SP4: variants seen among roughly 807,000 people sequenced by gnomAD.
The protein encoded by SP4 is transcription factor Sp4.
Under a neutral mutation model 72.8 loss-of-function variants are expected in SP4, and 19 were observed. The ratio of observed to expected loss-of-function variants is 0.26; its 90% CI spans 0.18 to 0.38. The LOEUF is 0.38. SP4 is among the 10% of genes least tolerant of loss of function. The pLI is 1.00. For synonymous variants in SP4, 395 were observed against 333.1 expected, an observed-to-expected ratio of 1.19 and a Z score of -2.02; for missense variants, 1,008 against 926.3, an observed-to-expected ratio of 1.09 and a Z score of -1.14.
intron 5 of SP4, among the ~76,000 whole-genome samples, chr7:21,489,844 C>A (rs1583438276): frequency 6.6e-6 from 1 of 152,024 alleles, no homozygotes. Context: ...AGGCGTGAGC[C>A]ACTGTGCCCA....
chr7:21,467,237 T>C lies in SP4; in HGVS notation c.1679-9842T>C, dbSNP rs188398546. On this transcript the variant is annotated intron_variant, in intron 3 of 5. Transcript: ENST00000222584. ...ATGTCTCCAGACATTGCTGAGTATC[T>C]CCTGGAAGGCAAAATTACCTTCATT... 2.1e-3 allele frequency among the ~76,000 whole-genome samples: 317 copies of C among 152,194 alleles called. 2 individuals are homozygous for C. The highest frequency in any genetic ancestry group is 2.4e-3 in the Non-Finnish European group (163 of 67,986).
chr7:21,489,282 T>A (rs547774505), intron 5 of SP4, among the ~76,000 whole-genome samples: 120 of 152,292 alleles, frequency 7.9e-4, no homozygotes, highest in African/African-American at 2.8e-3. Context: ...TCAAAACAGA[T>A]GAAACAGAAA....
intron 5 of SP4, among the ~76,000 whole-genome samples, chr7:21,503,465 C>T (rs572362559): frequency 1.3e-5 from 2 of 152,302 alleles, no homozygotes; most frequent in Non-Finnish European, 2.9e-5. Context: ...ATTCTTTCTA[C>T]TTTCCAGAGG....
intron 5 of SP4, among the ~76,000 whole-genome samples, chr7:21,507,977 A>G (rs750911005): frequency 1.3e-4 from 20 of 152,062 alleles, no homozygotes; most frequent in Non-Finnish European, 2.6e-4. Flanking sequence ...AAAATGCCCA[A>G]CCACCAAGAC....
chr7:21,496,090 G>T (rs1781697188), intron 5 of SP4, among the ~76,000 whole-genome samples: 1 of 152,164 alleles, frequency 6.6e-6, no homozygotes, highest in African/African-American at 2.4e-5. Context: ...TAGGGCATAA[G>T]CAAGGAGGAG....
At chr7:21,428,582 CGGGGGGA>C in intron 1 of SP4, 88 bp from the exon 2 acceptor site, 4 of 1,255,176 alleles carry the variant, frequency 3.2e-6, no homozygotes, top group Non-Finnish European at 4.4e-6. Context: ...GATTAATGTT[CGGGGGGA>C]GGGGGGAGAA....
chr7:21,453,809 G>T (rs1783672922), intron 3 of SP4, among the ~76,000 whole-genome samples: 1 of 152,134 alleles, frequency 6.6e-6, no homozygotes, highest in Non-Finnish European at 1.5e-5. Context: ...AGTCTGAATA[G>T]TACCCCTTTA....
intron 4 of SP4, among the ~76,000 whole-genome samples, chr7:21,478,094 C>G (rs1238334444): frequency 6.6e-6 from 1 of 152,112 alleles, no homozygotes; most frequent in Non-Finnish European, 1.5e-5. Flanking sequence ...ATAGATTTGC[C>G]TTTTCTGGAC....
intron 3 of SP4, among the ~76,000 whole-genome samples, chr7:21,431,854 C>T (rs576879728): frequency 4.6e-5 from 7 of 152,314 alleles, no homozygotes; most frequent in Admixed American, 4.6e-4. Flanking sequence ...AAGTTTATCA[C>T]TTTTGAATGA....
chr7:21,463,092 G>A (rs1314983330), intron 3 of SP4, among the ~76,000 whole-genome samples: 1 of 116,102 alleles, frequency 8.6e-6, no homozygotes, highest in African/African-American at 3.3e-5. Flanking sequence ...TTTTTTTTTT[G>A]AGACAGGGTC....
chr7:21,492,958 G>C (rs1404403983), intron 5 of SP4, among the ~76,000 whole-genome samples: 1 of 152,176 alleles, frequency 6.6e-6, no homozygotes, highest in Non-Finnish European at 1.5e-5. Context: ...CCAGCACTTT[G>C]GGAGGCCAAG....
chr7:21,496,131 A>C (rs1781697801), intron 5 of SP4, among the ~76,000 whole-genome samples: 2 of 152,198 alleles, frequency 1.3e-5, no homozygotes, highest in South Asian at 4.1e-4. Context: ...GACACTACAA[A>C]GGAATTTTTG....
At chr7:21,437,624 A>G (rs980862014) in intron 3 of SP4, among the ~76,000 whole-genome samples, 3 of 152,202 alleles carry the variant, frequency 2.0e-5, no homozygotes, top group Non-Finnish European at 4.4e-5. Flanking sequence ...AATAGGCTGA[A>G]ATGGTGGGCC....
At chr7:21,469,904 C>T (rs984761354) in intron 3 of SP4, among the ~76,000 whole-genome samples, 12 of 151,738 alleles carry the variant, frequency 7.9e-5, no homozygotes, top group Non-Finnish European at 1.3e-4. Context: ...AAAAAAAACA[C>T]CTTGCTGAAT....
At chr7:21,471,240 G>A (rs748353842) in intron 3 of SP4, 8 of 395,216 alleles carry the variant, frequency 2.0e-5, no homozygotes, top group Admixed American at 1.2e-4. Context: ...AATGTATGGA[G>A]GGCCCATTGG....
rs1388131466 is a variant in SP4, at chr7:21,429,424, C to G, written c.259C>G (p.Pro87Ala). 17 of 1,614,118 alleles carry G rather than the reference C, an allele frequency of 1.1e-5. No homozygotes were observed. The highest frequency in any genetic ancestry group is 1.4e-5 in the Non-Finnish European group (17 of 1,180,004). The change falls in exon 3 of 6, where the codon CCA (proline) becomes GCA (alanine). Residue 87 changes from proline to alanine, a missense_variant. Coordinates refer to ENST00000222584, the MANE Select transcript of SP4 (RefSeq NM_003112.5). Reference sequence around the variant, plus strand: ...AGGATTGGTGCAACTTCAAAATCAACCACAACAGCTAGAACTGGTAACAAC... The same window carrying G: ...AGGATTGGTGCAACTTCAAAATCAAGCACAACAGCTAGAACTGGTAACAAC... ...SQGLVQLQNQ[P>A]QQLELVTTQL...
chr7:21,461,588 A>G (rs1320485246), intron 3 of SP4, among the ~76,000 whole-genome samples: 2 of 152,132 alleles, frequency 1.3e-5, no homozygotes, highest in Admixed American at 1.3e-4. Flanking sequence ...CTGGCCTGCA[A>G]ACACCGCGCG....
At chr7:21,431,493 C>T (rs1242462949) in intron 3 of SP4, among the ~76,000 whole-genome samples, 1 of 152,118 alleles carries the variant, frequency 6.6e-6, no homozygotes, top group Non-Finnish European at 1.5e-5. Flanking sequence ...TTAATTAAAT[C>T]ATGGTCATTG....
intron 5 of SP4, among the ~76,000 whole-genome samples, chr7:21,495,468 G>A (rs555330361): frequency 6.6e-6 from 1 of 151,760 alleles, no homozygotes; most frequent in African/African-American, 2.4e-5. Context: ...ATATGTATGT[G>A]ACGGAAAAGT....
Sources: allele counts gnomAD v4.1 joint callset (sites outside exome capture counted in the v4.1 genomes callset), GRCh38; gene constraint gnomAD v4.1.1; transcripts MANE v1.5; gene names NCBI Gene and HGNC (gene_info 2026-07-23, HGNC 2026-07-21).